The following FOCAD variants were observed in gnomAD, a reference collection of about 807,000 sequenced individuals.
FOCAD encodes focadhesin.
Under a neutral mutation model 225.6 loss-of-function variants are expected in FOCAD, and 198 were observed. The observed-to-expected ratio is 0.88, with a 90% CI of 0.78 to 0.99. The LOEUF (loss-of-function observed/expected upper bound fraction) is 0.99, where lower values mean the gene tolerates loss of function less well. FOCAD is among the 50% of genes least tolerant of loss of function. The pLI is 0.00. For missense variants in FOCAD, 2,713 were observed against 2,123.6 expected (o/e 1.28, Z -5.46); for synonymous variants, 897 against 755.0 (o/e 1.19, Z -3.08).
At chr9:20,995,040 G>A (rs1587813849) in intron 43 of FOCAD, among the ~76,000 whole-genome samples, 2 of 152,112 alleles carry the variant, frequency 1.3e-5, no homozygotes, top group African/African-American at 4.8e-5. Flanking sequence ...ATCCCTGAGG[G>A]ACCTGTGACA....
chr9:20,691,625 G>A (rs1408687638), intron 1 of FOCAD, among the ~76,000 whole-genome samples: 1 of 151,360 alleles, frequency 6.6e-6, no homozygotes, highest in African/African-American at 2.4e-5. Context: ...GGGACTACAG[G>A]TGCCCGCCAC....
intron 11 of FOCAD, among the ~76,000 whole-genome samples, chr9:20,801,815 T>C (rs1252387500): frequency 1.3e-5 from 2 of 152,164 alleles, no homozygotes; most frequent in African/African-American, 2.4e-5. Flanking sequence ...GTGATAGCTG[T>C]AATTGAAATG....
chr9:20,851,116 ATCTC>A (rs751176239), intron 15 of FOCAD, among the ~76,000 whole-genome samples: 19 of 151,502 alleles, frequency 1.3e-4, no homozygotes, highest in Non-Finnish European at 1.5e-4. Context: ...TGTCTTGTCT[ATCTC>A]TAGTGAAAAC....
At chr9:20,874,659 A>G in intron 18 of FOCAD, 22 bp from the exon 19 acceptor site, 1 of 1,610,136 alleles carries the variant, frequency 6.2e-7, no homozygotes, top group South Asian at 1.1e-5. Context: ...CCTCTCTATG[A>G]TCTTTTCGCT....
chr9:20,844,349 CTTTTTTTTTTTT>C (rs58468376), intron 15 of FOCAD, among the ~76,000 whole-genome samples: 3 of 77,248 alleles, frequency 3.9e-5, no homozygotes, highest in African/African-American at 5.3e-5. Context: ...AGGAAATTTC[CTTTTTTTTTTTT>C]TTTTTTTTTT....
chr9:20,757,931 A>G (rs1490107951), intron 5 of FOCAD, among the ~76,000 whole-genome samples, 159 bp from the exon 6 acceptor site: 2 of 152,162 alleles, frequency 1.3e-5, no homozygotes, highest in Admixed American at 6.5e-5. Flanking sequence ...TGATGAACCA[A>G]CTCTGCAACA....
chr9:20,860,003 G>C (rs577870469), intron 15 of FOCAD, among the ~76,000 whole-genome samples: 8 of 152,068 alleles, frequency 5.3e-5, no homozygotes, highest in African/African-American at 1.9e-4. Context: ...GTGTGGCTTT[G>C]TAAGTATACC....
chr9:20,835,040 C>T (rs1323130019), intron 15 of FOCAD, among the ~76,000 whole-genome samples: 1 of 151,964 alleles, frequency 6.6e-6, no homozygotes, highest in East Asian at 1.9e-4. Flanking sequence ...ACATGTGGCT[C>T]ACATTGTATT....
At chr9:20,938,122 A>C (rs2132267067) in intron 28 of FOCAD, among the ~76,000 whole-genome samples, 1 of 152,292 alleles carries the variant, frequency 6.6e-6, no homozygotes, top group East Asian at 1.9e-4. Context: ...ACACTTTTAC[A>C]CTGTTGGTGG....
At chr9:20,745,296 T>G (rs1298196114) in intron 5 of FOCAD, among the ~76,000 whole-genome samples, 1 of 151,884 alleles carries the variant, frequency 6.6e-6, no homozygotes, top group Non-Finnish European at 1.5e-5. Context: ...GGCAGGGTTG[T>G]CCAGGCTGGT....
intron 8 of FOCAD, among the ~76,000 whole-genome samples, chr9:20,772,038 A>G (rs1314360210): frequency 1.3e-5 from 2 of 152,208 alleles, no homozygotes; most frequent in Non-Finnish European, 2.9e-5. Flanking sequence ...TTTTGAGAGG[A>G]CACAGTTCAG....
intron 15 of FOCAD, among the ~76,000 whole-genome samples, chr9:20,853,447 G>T (rs1346206793): frequency 6.6e-6 from 1 of 151,752 alleles, no homozygotes; most frequent in East Asian, 1.9e-4. Flanking sequence ...GTACTACAAA[G>T]TGCCAAATAG....
intron 39 of FOCAD, among the ~76,000 whole-genome samples, chr9:20,982,917 G>A (rs1431934632): frequency 6.6e-6 from 1 of 152,198 alleles, no homozygotes; most frequent in Non-Finnish European, 1.5e-5. Flanking sequence ...CTTAGTACAA[G>A]TACATGCCAA....
rs1831006921 is a variant in FOCAD, at chr9:20,885,181, C to T, written c.2576C>T (p.Ala859Val). Residue 859 changes from alanine (A) to valine (V), a missense_variant, in exon 21 of 44, where the codon GCC (alanine) becomes GTC (valine). Transcript: ENST00000338382. ...KDGKPLNRLM[A>V]SRGRSFKQTS... is the part of the protein sequence containing the mutation. ...GGAAAACCATTGAACAGACTGATGG[C>T]CAGCAGAGGGCGAAGTTTCAAGCAG... 6.5e-7 allele frequency: 1 copy of T among 1,542,912 alleles called. No individual in the cohort carries two copies. Among genetic ancestry groups the T allele is most frequent in the South Asian group, 1.3e-5 (1 of 76,870 alleles).
chr9:20,747,845 A>G (rs1405982106), intron 5 of FOCAD, among the ~76,000 whole-genome samples: 5 of 140,494 alleles, frequency 3.6e-5, no homozygotes, highest in South Asian at 2.2e-4. Context: ...TGCCTTTTAT[A>G]TATATTTTAA....
chr9:20,739,358 C>G (rs1827410977), intron 4 of FOCAD, among the ~76,000 whole-genome samples: 1 of 152,118 alleles, frequency 6.6e-6, no homozygotes, highest in Non-Finnish European at 1.5e-5. Context: ...AATCCCAGCA[C>G]TTTGGGAGGC....
intron 2 of FOCAD, among the ~76,000 whole-genome samples, chr9:20,673,586 T>C (rs1374007199): frequency 6.6e-6 from 1 of 152,160 alleles, no homozygotes; most frequent in Non-Finnish European, 1.5e-5. Flanking sequence ...TATTTAATTA[T>C]ACTTAATTAA....
intron 11 of FOCAD, among the ~76,000 whole-genome samples, chr9:20,796,711 A>G (rs1361104587): frequency 7.2e-5 from 11 of 152,094 alleles, no homozygotes; most frequent in Admixed American, 7.2e-4. Flanking sequence ...GATTCTGGGT[A>G]TTAGCCCTTT....
At chr9:20,924,851 C>T (rs4977595) in intron 25 of FOCAD, among the ~76,000 whole-genome samples, 54,609 of 151,980 alleles carry the variant, frequency 0.36, 10,079 homozygotes, top group East Asian at 0.47. Flanking sequence ...AGACCACCTC[C>T]AGTGGGCCAG....
Sources: gnomAD v4.1 joint callset for allele counts (sites outside exome capture counted in the v4.1 genomes callset) on GRCh38, gnomAD v4.1.1 for gene constraint, MANE v1.5 for transcripts, NCBI Gene and HGNC (gene_info 2026-07-23, HGNC 2026-07-21) for gene names.